NPAS3: variants seen among roughly 807,000 people sequenced by gnomAD.
NPAS3 encodes neuronal PAS domain protein 3.
A neutral mutation model predicts 73.1 loss-of-function variants in NPAS3; 14 were observed. The ratio of observed to expected loss-of-function variants is 0.19; its 90% CI spans 0.13 to 0.30. The LOEUF is 0.30. NPAS3 is among the 10% of genes least tolerant of loss of function. The pLI, the probability that NPAS3 is intolerant of heterozygous loss-of-function variation, is 1.00. For synonymous variants in NPAS3, 620 were observed against 541.5 expected (o/e 1.14, Z -2.01); for missense variants, 1,096 against 1,250.0 (o/e 0.88, Z 1.86).
intron 3 of NPAS3, among the ~76,000 whole-genome samples, chr14:33,230,974 C>G (rs892840516): frequency 2.6e-5 from 4 of 152,188 alleles, no homozygotes; most frequent in Admixed American, 2.0e-4. Context: ...CATTATTTCA[C>G]TCTACCAATG....
At chr14:33,083,199 A>G (rs1312026302) in intron 2 of NPAS3, among the ~76,000 whole-genome samples, 1 of 52,714 alleles carries the variant, frequency 1.9e-5, no homozygotes, top group Non-Finnish European at 3.5e-5. Flanking sequence ...AAAAAAAAAA[A>G]AAAAAAAAAA....
intron 4 of NPAS3, among the ~76,000 whole-genome samples, chr14:33,556,192 T>C (rs575945584): frequency 2.0e-4 from 31 of 152,322 alleles, no homozygotes; most frequent in African/African-American, 7.2e-4. Context: ...TCAAATATTT[T>C]AGTAAGTACA....
chr14:32,957,003 T>C (rs1237024519), intron 1 of NPAS3, among the ~76,000 whole-genome samples: 2 of 152,198 alleles, frequency 1.3e-5, no homozygotes, highest in African/African-American at 4.8e-5. Context: ...AATATAACCA[T>C]GAATGGCTAT....
intron 3 of NPAS3, among the ~76,000 whole-genome samples, chr14:33,363,848 C>T (rs2045713996): frequency 6.6e-6 from 1 of 151,960 alleles, no homozygotes; most frequent in Admixed American, 6.6e-5. Flanking sequence ...GCTCTTACGT[C>T]TCACTCTCAG....
At chr14:33,670,970 A>G (rs1401908706) in intron 5 of NPAS3, among the ~76,000 whole-genome samples, 1 of 149,712 alleles carries the variant, frequency 6.7e-6, no homozygotes, top group Non-Finnish European at 1.5e-5. Context: ...ATTCTACCTT[A>G]AACAGTAGGT....
At chr14:33,032,424 A>T (rs1045188849) in intron 1 of NPAS3, among the ~76,000 whole-genome samples, 1 of 152,210 alleles carries the variant, frequency 6.6e-6, no homozygotes, top group Non-Finnish European at 1.5e-5. Flanking sequence ...GGATGCCAGC[A>T]TGCCTAAGGG....
chr14:33,333,722 A>T (rs2044090568), intron 3 of NPAS3, among the ~76,000 whole-genome samples: 1 of 152,142 alleles, frequency 6.6e-6, no homozygotes, highest in African/African-American at 2.4e-5. Context: ...AAAATATATA[A>T]CATACTCAAT....
chr14:33,800,479 G>A lies in NPAS3; in HGVS notation c.2172G>A (p.Ala724=), dbSNP rs2063669813. The stretch of plus-strand genomic sequence containing the variant: ...TCACCCCGCCCGGCGCCGACGGCGC[G>A]GCCGCCCGCAAGACTCAGTTCGGCG... The change falls in exon 12 of 12, where the codon GCG becomes GCA. Residue 724 remains alanine (A), a synonymous_variant. Coordinates refer to ENST00000356141, the Ensembl canonical transcript of NPAS3. The surrounding 1 kb of genome is among the most constrained non-coding windows in gnomAD (Gnocchi z 6.5). 6.7e-6 allele frequency: 10 copies of A among 1,483,294 alleles called. No homozygotes were observed. Among genetic ancestry groups the A allele is most frequent in the Middle Eastern group, 2.4e-4 (1 of 4,166 alleles). The allele number at this position is 1,483,294 out of a possible 1,614,324, so 91.9% of individuals were successfully genotyped here.
intron 4 of NPAS3, among the ~76,000 whole-genome samples, chr14:33,528,383 T>C (rs2053896342): frequency 6.6e-6 from 1 of 151,802 alleles, no homozygotes; most frequent in African/African-American, 2.4e-5. Flanking sequence ...ACAGCATCTC[T>C]GCCTGAAGGG....
At chr14:33,096,192 A>G (rs533406741) in intron 2 of NPAS3, among the ~76,000 whole-genome samples, 1 of 151,634 alleles carries the variant, frequency 6.6e-6, no homozygotes, top group South Asian at 2.1e-4. Flanking sequence ...TCCCCTGGAA[A>G]TACTGGTGTT....
intron 5 of NPAS3, among the ~76,000 whole-genome samples, chr14:33,634,438 G>A (rs1450389610): frequency 3.3e-5 from 5 of 152,196 alleles, no homozygotes; most frequent in African/African-American, 1.2e-4. Flanking sequence ...ATTTCTGAGA[G>A]CGATGTGGAG....
chr14:33,794,050 T>TTTTCTAC lies in NPAS3; in HGVS notation c.1301+9_1301+15dup. 1 of 1,610,114 alleles carries TTTTCTAC rather than the reference T, an allele frequency of 6.2e-7. No homozygotes were observed. Among genetic ancestry groups the TTTTCTAC allele is most frequent in the Non-Finnish European group, 8.5e-7 (1 of 1,178,266 alleles). ...TGGGTGAATTACCTTCTTAGGTATATTTTCTACTTCTTTTCTATTTCTGTC... is the reference window on the plus strand; with the variant it reads ...TGGGTGAATTACCTTCTTAGGTATATTTTCTACTTTCTACTTCTTTTCTATTTCTGTC... On this transcript the variant is annotated splice_region_variant and intron_variant, in intron 10 of 11. Coordinates refer to ENST00000356141, the Ensembl canonical transcript of NPAS3.
chr14:33,411,121 T>C (rs149374129), intron 4 of NPAS3, among the ~76,000 whole-genome samples: 3 of 152,332 alleles, frequency 2.0e-5, no homozygotes, highest in Non-Finnish European at 2.9e-5. Context: ...TTCTGGCTCA[T>C]TGTTTCTCAA....
intron 1 of NPAS3, among the ~76,000 whole-genome samples, chr14:32,974,924 G>T (rs2037591028): frequency 6.6e-6 from 1 of 151,830 alleles, no homozygotes; most frequent in Non-Finnish European, 1.5e-5. Flanking sequence ...ACAAATGAAA[G>T]GTTTTTCTTT....
intron 4 of NPAS3, among the ~76,000 whole-genome samples, chr14:33,396,046 A>G (rs900270086): frequency 1.3e-5 from 2 of 152,130 alleles, no homozygotes; most frequent in Non-Finnish European, 2.9e-5. Context: ...AGGACATCCA[A>G]TTAACCTTTG....
chr14:33,797,726 G>A (rs1238627556), intron 11 of NPAS3, 145 bp downstream of exon 11: 8 of 771,880 alleles, frequency 1.0e-5, no homozygotes, highest in Non-Finnish European at 1.5e-5. Context: ...ATTACTGAGT[G>A]TCTGCCTCTC....
chr14:33,685,107 T>C (rs1451410153), intron 6 of NPAS3, among the ~76,000 whole-genome samples: 1 of 151,936 alleles, frequency 6.6e-6, no homozygotes, highest in Middle Eastern at 3.2e-3. Flanking sequence ...TCAACAACCA[T>C]TGATTGAATG....
At chr14:33,275,846 C>A (rs543245391) in intron 3 of NPAS3, among the ~76,000 whole-genome samples, 1 of 152,166 alleles carries the variant, frequency 6.6e-6, no homozygotes, top group Non-Finnish European at 1.5e-5. Flanking sequence ...TTTCACAAAT[C>A]TAATTTTTAA....
At chr14:33,585,746 G>T (rs528176887) in intron 5 of NPAS3, among the ~76,000 whole-genome samples, 2 of 152,022 alleles carry the variant, frequency 1.3e-5, no homozygotes, top group African/African-American at 2.4e-5. Context: ...TTAGTTTTCC[G>T]CTGAGAATCA....
Sources: allele counts gnomAD v4.1 joint callset (sites outside exome capture counted in the v4.1 genomes callset), GRCh38; gene constraint gnomAD v4.1.1; non-coding constraint Gnocchi (gnomAD v3.1); transcripts MANE v1.5; gene names NCBI Gene and HGNC (gene_info 2026-07-23, HGNC 2026-07-21).